Variants in NEGR1 observed in about 807,000 individuals in gnomAD.
NEGR1 encodes neuronal growth regulator 1, also known as IgLON family member 4.
Under a neutral mutation model 40.9 loss-of-function variants are expected in NEGR1, and 10 were observed. The observed-to-expected ratio is 0.24, with a 90% CI of 0.15 to 0.42. The LOEUF (loss-of-function observed/expected upper bound fraction) is 0.42. Among genes scored for constraint, NEGR1 ranks in the 10% least tolerant of loss-of-function variants. The probability of loss-of-function intolerance (pLI) is 1.00; values close to 1 mark genes in which losing one functional copy is unlikely to be tolerated. For missense variants in NEGR1, 352 were observed against 438.9 expected (o/e 0.80, Z 1.77); for synonymous variants, 185 against 166.8 (o/e 1.11, Z -0.84).
At chr1:72,171,936 T>C (rs1273232310) in intron 1 of NEGR1, among the ~76,000 whole-genome samples, 1 of 152,216 alleles carries the variant, frequency 6.6e-6, no homozygotes, top group Non-Finnish European at 1.5e-5. Flanking sequence ...GTATTTTCTA[T>C]AATTAAAGTT....
At chr1:71,674,139 C>T (rs1339781763) in intron 4 of NEGR1, among the ~76,000 whole-genome samples, 1 of 152,062 alleles carries the variant, frequency 6.6e-6, no homozygotes. Context: ...TATTATCAGA[C>T]AAATGAGTGA....
At chr1:71,471,661 AC>A (rs201344699) in intron 6 of NEGR1, among the ~76,000 whole-genome samples, 19 of 64,696 alleles carry the variant, frequency 2.9e-4, no homozygotes, top group South Asian at 1.0e-3. Flanking sequence ...AACAACAACA[AC>A]AAAAAAAAAG....
intron 1 of NEGR1, among the ~76,000 whole-genome samples, chr1:71,978,196 A>G (rs1646323441): frequency 2.0e-5 from 3 of 151,982 alleles, no homozygotes; most frequent in Non-Finnish European, 4.4e-5. Flanking sequence ...CCCATCAGTT[A>G]AGTGCTGTCT....
At chr1:71,620,791 C>A (rs1650584767) in intron 4 of NEGR1, among the ~76,000 whole-genome samples, 1 of 151,876 alleles carries the variant, frequency 6.6e-6, no homozygotes, top group Admixed American at 6.6e-5. Context: ...TCCCCCAGAC[C>A]TTAAACATTT....
chr1:71,416,488 A>AT (rs1221987914), intron 6 of NEGR1, among the ~76,000 whole-genome samples: 1 of 151,674 alleles, frequency 6.6e-6, no homozygotes, highest in African/African-American at 2.4e-5. Flanking sequence ...TTGTTCTTCG[A>AT]TTTTTCCAGT....
chr1:71,554,519 AG>A (rs1331287820), intron 6 of NEGR1, among the ~76,000 whole-genome samples: 1 of 151,448 alleles, frequency 6.6e-6, no homozygotes, highest in Non-Finnish European at 1.5e-5. Context: ...TAATTGTTCA[AG>A]GGGTGAAGAG....
chr1:72,175,373 T>C (rs548832440), intron 1 of NEGR1, among the ~76,000 whole-genome samples: 1 of 152,272 alleles, frequency 6.6e-6, no homozygotes, highest in East Asian at 1.9e-4. Context: ...AAGTTATCAC[T>C]GGTCTCCAGA....
chr1:72,200,590 G>T (rs1180166199), intron 1 of NEGR1, among the ~76,000 whole-genome samples: 2 of 151,790 alleles, frequency 1.3e-5, no homozygotes, highest in African/African-American at 4.8e-5. Flanking sequence ...AAGCCTCAGG[G>T]ATATGAAATG....
At chr1:72,252,175 G>GGCTCACCA (rs1655124700) in intron 1 of NEGR1, among the ~76,000 whole-genome samples, 2 of 151,258 alleles carry the variant, frequency 1.3e-5, no homozygotes, top group African/African-American at 4.9e-5. Context: ...GGGCGATGTA[G>GGCTCACCA]CTGGGATTAT....
chr1:71,652,330 T>C (rs542617374), intron 4 of NEGR1, among the ~76,000 whole-genome samples: 2 of 152,340 alleles, frequency 1.3e-5, no homozygotes, highest in East Asian at 1.9e-4. Flanking sequence ...GGTTAGCTAT[T>C]TTAGTTTGTA....
intron 1 of NEGR1, among the ~76,000 whole-genome samples, chr1:72,242,256 G>C (rs1017924082): frequency 6.6e-6 from 1 of 151,616 alleles, no homozygotes; most frequent in Non-Finnish European, 1.5e-5. Flanking sequence ...GCAGTATAAT[G>C]AGTTGGGATG....
intron 6 of NEGR1, among the ~76,000 whole-genome samples, chr1:71,476,093 A>C (rs553005177): frequency 6.6e-6 from 1 of 152,184 alleles, no homozygotes; most frequent in African/African-American, 2.4e-5. Flanking sequence ...TCTTTAAAGA[A>C]CACTTAAATA....
chr1:71,589,326 C>T (rs1426441492), intron 6 of NEGR1, among the ~76,000 whole-genome samples: 3 of 152,120 alleles, frequency 2.0e-5, no homozygotes, highest in Admixed American at 1.3e-4. Flanking sequence ...TAGGCTCACT[C>T]GATGCTAATT....
chr1:71,465,370 CA>C (rs1433162620), intron 6 of NEGR1, among the ~76,000 whole-genome samples: 2 of 152,070 alleles, frequency 1.3e-5, no homozygotes, highest in Non-Finnish European at 2.9e-5. Context: ...TTAATTATTT[CA>C]GTATCTGAGT....
At chr1:71,687,838 G>C (rs1230100408) in intron 4 of NEGR1, among the ~76,000 whole-genome samples, 1 of 152,158 alleles carries the variant, frequency 6.6e-6, no homozygotes, top group Non-Finnish European at 1.5e-5. Context: ...GGCTAGTATA[G>C]TGAAAGCAGC....
chr1:72,161,519 T>G (rs1278729511), intron 1 of NEGR1, among the ~76,000 whole-genome samples: 1 of 152,044 alleles, frequency 6.6e-6, no homozygotes. Flanking sequence ...CATCCTACAA[T>G]GTACGGGTAG....
intron 4 of NEGR1, among the ~76,000 whole-genome samples, chr1:71,653,510 A>G (rs1313306318): frequency 6.6e-6 from 1 of 152,068 alleles, no homozygotes; most frequent in Non-Finnish European, 1.5e-5. Context: ...TATTAGATTG[A>G]GGTCTTTGAT....
chr1:71,927,340 T>C (rs1645783678), intron 2 of NEGR1, among the ~76,000 whole-genome samples: 1 of 152,178 alleles, frequency 6.6e-6, no homozygotes. Context: ...ACCTGAGTTT[T>C]TCTGTCAAGG....
At chr1:71,622,865 A>C (rs547423023) in intron 4 of NEGR1, among the ~76,000 whole-genome samples, 2 of 151,986 alleles carry the variant, frequency 1.3e-5, no homozygotes, top group East Asian at 3.9e-4. Flanking sequence ...GTAAATCCAA[A>C]GGCAGAAGGG....
Sources: allele counts gnomAD v4.1 joint callset (sites outside exome capture counted in the v4.1 genomes callset), GRCh38; gene constraint gnomAD v4.1.1; transcripts MANE v1.5; gene names NCBI Gene and HGNC (gene_info 2026-07-23, HGNC 2026-07-21).